HDGFL3: variants seen among roughly 807,000 people sequenced by gnomAD.
The protein encoded by HDGFL3 is hepatoma-derived growth factor-related protein 3.
HDGFL3 carries 6 observed loss-of-function variants against 27.6 expected under a neutral mutation model. The observed-to-expected ratio is 0.22, with a 90% CI of 0.12 to 0.43. The LOEUF (loss-of-function observed/expected upper bound fraction) is 0.43, where lower values mean the gene tolerates loss of function less well. HDGFL3 is among the 20% of genes least tolerant of loss of function. The pLI, the probability that HDGFL3 is intolerant of heterozygous loss-of-function variation, is 1.00. For synonymous variants in HDGFL3, 88 were observed against 88.9 expected (o/e 0.99, Z 0.05); for missense variants, 207 against 250.1 (o/e 0.83, Z 1.16).
At position 83,122,744 on chromosome 15, in the gene HDGFL3, C is replaced by G. The variant is rs1196960415; in HGVS notation, c.394-7003G>C. On this transcript the variant is annotated intron_variant, in intron 3 of 3. Transcript: ENST00000568294. ...CTTTTGGTAACTTCTTTCTCTTTCT[C>G]TCTTTTAAATAGGGAAGTATGGAAC... 4 of 1,610,296 alleles carry G rather than the reference C, an allele frequency of 2.5e-6. No individual in the cohort carries two copies. The African/African-American group carries it at 4.0e-5, about 16-fold the overall frequency.
At chr15:83,201,772 C>A (rs913644458) in intron 1 of HDGFL3, among the ~76,000 whole-genome samples, 1 of 152,070 alleles carries the variant, frequency 6.6e-6, no homozygotes, top group Admixed American at 6.6e-5. Context: ...CTGGTTGAAA[C>A]GGGAGCATCG....
rs1020959791 is a variant in HDGFL3 at position 83,122,664 on chromosome 15, AT to A, written c.394-6924del. 12 of 1,470,220 alleles carry A rather than the reference AT, an allele frequency of 8.2e-6. 1 individual carries two copies. The highest frequency in any genetic ancestry group is 4.9e-4 in the Middle Eastern group (2 of 4,082). 91.1% of individuals were successfully genotyped at this position (1,470,220 alleles called of 1,614,324 possible). On this transcript the variant is annotated intron_variant, in intron 3 of 3. Transcript: ENST00000568294. The stretch of plus-strand genomic sequence containing the variant: ...AAAATATTGTCTGGCCCATAGCAAA[AT>A]TTTAGATGACCTGAGATGGGGAGGT...
chr15:83,146,293 C>T (rs2036891417), intron 5 of HDGFL3, among the ~76,000 whole-genome samples: 1 of 152,102 alleles, frequency 6.6e-6, no homozygotes, highest in East Asian at 1.9e-4. Flanking sequence ...ATTAAGAACT[C>T]TGGGGTTCTA....
At position 83,151,489 on chromosome 15, in the gene HDGFL3, C is replaced by A. The variant is rs553254167; in HGVS notation, c.460-128G>T. 49 of 703,388 alleles carry A rather than the reference C, an allele frequency of 7.0e-5. No individual in the cohort carries two copies. In the East Asian group the frequency reaches 1.4e-3, roughly 20 times the overall value. The allele number at this position is 703,388 out of a possible 1,614,324, so 43.6% of individuals were successfully genotyped here. ...GTTGATAGAGGATATACTGACACAA[C>A]ATGTAGTATGCCAAGGCTGAGCTAG... is the stretch of plus-strand genomic sequence containing the variant. On this transcript the variant is annotated intron_variant, in intron 4 of 5. Coordinates refer to ENST00000299633, the MANE Select transcript of HDGFL3 (RefSeq NM_016073.4).
At chr15:83,183,298 C>T (rs1411320385) in intron 1 of HDGFL3, among the ~76,000 whole-genome samples, 1 of 152,088 alleles carries the variant, frequency 6.6e-6, no homozygotes, top group Non-Finnish European at 1.5e-5. Flanking sequence ...AATATACATG[C>T]ACAAGGCCTG....
intron 1 of HDGFL3, among the ~76,000 whole-genome samples, chr15:83,192,889 T>G (rs766321947): frequency 6.6e-6 from 1 of 152,242 alleles, no homozygotes. Flanking sequence ...TTCTAACCAA[T>G]TGCCTCATTT....
At chr15:83,179,595 C>T (rs2037354748) in intron 1 of HDGFL3, among the ~76,000 whole-genome samples, 1 of 152,222 alleles carries the variant, frequency 6.6e-6, no homozygotes, top group African/African-American at 2.4e-5. Context: ...CGAAAGTGCT[C>T]AAGGCCTACT....
At chr15:83,173,294 G>A (rs2037268565) in intron 1 of HDGFL3, among the ~76,000 whole-genome samples, 1 of 152,146 alleles carries the variant, frequency 6.6e-6, no homozygotes, top group Non-Finnish European at 1.5e-5. Context: ...TAGATTACGT[G>A]AGATACTCAA....
chr15:83,179,853 G>T (rs72758313), intron 1 of HDGFL3: 1 of 152,166 alleles, frequency 6.6e-6, no homozygotes, highest in African/African-American at 2.4e-5. Flanking sequence ...AAAATGGTAG[G>T]TGCATAATAA....
intron 3 of HDGFL3, chr15:83,119,799 G>A (rs1306283642): frequency 1.3e-6 from 2 of 1,505,638 alleles, no homozygotes; most frequent in African/African-American, 1.4e-5. Flanking sequence ...ATGAATATAA[G>A]TTCCATGGGT....
At chr15:83,164,526 T>G (rs1055302723) in intron 1 of HDGFL3, among the ~76,000 whole-genome samples, 6 of 152,172 alleles carry the variant, frequency 3.9e-5, no homozygotes, top group African/African-American at 1.4e-4. Flanking sequence ...AGACATCATC[T>G]CTTGCCTGGA....
intron 1 of HDGFL3, among the ~76,000 whole-genome samples, chr15:83,178,816 T>G (rs140819899): frequency 6.6e-5 from 10 of 152,352 alleles, no homozygotes; most frequent in Non-Finnish European, 1.3e-4. Flanking sequence ...CTACGTTAAA[T>G]CAGTGATTAA....
intron 1 of HDGFL3, chr15:83,192,281 G>C: frequency 2.2e-6 from 1 of 455,208 alleles, no homozygotes; most frequent in Non-Finnish European, 4.4e-6. Context: ...TATGAAGACA[G>C]TTTTGACTTT....
chr15:83,160,398 G>C (rs1471497225), intron 2 of HDGFL3, among the ~76,000 whole-genome samples: 1 of 152,072 alleles, frequency 6.6e-6, no homozygotes, highest in Non-Finnish European at 1.5e-5. Context: ...TGTTGGCCAG[G>C]ATGGTTTTGA....
chr15:83,134,087 C>A lies in HDGFL3; in HGVS notation c.*5183G>T, dbSNP rs1215090627. On this transcript the variant is annotated 3_prime_UTR_variant, in exon 6 of 6. Transcript: ENST00000299633. ...CAAAACTAGAGAAATGCTTTGTAGA[C>A]CCTTTTTGTATTTTGACAGTCACAA... 1 of 152,166 alleles carries A rather than the reference C, an allele frequency of 6.6e-6. No homozygotes were observed. Among genetic ancestry groups the A allele is most frequent in the Non-Finnish European group, 1.5e-5 (1 of 68,032 alleles). 9.4% of individuals were successfully genotyped at this position (152,166 alleles called of 1,614,324 possible).
intron 1 of HDGFL3, among the ~76,000 whole-genome samples, chr15:83,165,430 T>C (rs1196418059): frequency 6.6e-6 from 1 of 152,132 alleles, no homozygotes; most frequent in African/African-American, 2.4e-5. Context: ...GCTTAATAAA[T>C]GCCAGGTAGT....
At chr15:83,125,820 G>A (rs2151373894), downstream of HDGFL3, among the ~76,000 whole-genome samples, 1 of 152,334 alleles carries the variant, frequency 6.6e-6, no homozygotes, top group East Asian at 1.9e-4. Flanking sequence ...GGTTCAGGGT[G>A]AGAAGCTGTT....
rs1307021244 is a variant in HDGFL3 at position 83,132,536 on chromosome 15, G to T, written c.*6734C>A. 6.8e-6 allele frequency: 1 copy of T among 147,784 alleles called. No individual in the cohort carries two copies. Among genetic ancestry groups the T allele is most frequent in the African/African-American group, 2.6e-5 (1 of 38,226 alleles). The allele number at this position is 147,784 out of a possible 1,614,324, so 9.2% of individuals were successfully genotyped here. A position where few individuals can be genotyped will look rare whatever the true frequency, so the allele number is the denominator to read the frequency against. On this transcript the variant is annotated 3_prime_UTR_variant, in exon 6 of 6. Transcript: ENST00000299633. The stretch of plus-strand genomic sequence containing the variant: ...ACTTACGTGTGAATAATTTGGTTGT[G>T]AAGAGTTTACTGAAGTAAATTTATC...
intron 1 of HDGFL3, among the ~76,000 whole-genome samples, chr15:83,170,197 T>C (rs934441459): frequency 3.3e-5 from 5 of 152,152 alleles, no homozygotes; most frequent in African/African-American, 9.7e-5. Context: ...AGATCATTTT[T>C]CACAGAACTA....
Sources: allele counts gnomAD v4.1 joint callset (sites outside exome capture counted in the v4.1 genomes callset), GRCh38; gene constraint gnomAD v4.1.1; transcripts MANE v1.5; gene names NCBI Gene and HGNC (gene_info 2026-07-23, HGNC 2026-07-21).